Variants in SNX29 observed in about 807,000 individuals in gnomAD.
SNX29 encodes the protein sorting nexin-29.
Under a neutral mutation model 102.1 loss-of-function variants are expected in SNX29, and 78 were observed. The ratio of observed to expected loss-of-function variants is 0.76; its 90% CI spans 0.64 to 0.92. The LOEUF (loss-of-function observed/expected upper bound fraction) is 0.92, where lower values mean the gene tolerates loss of function less well. SNX29 is among the 40% of genes least tolerant of loss of function. The probability of loss-of-function intolerance (pLI) is 0.00; values close to 1 mark genes in which losing one functional copy is unlikely to be tolerated. For missense variants in SNX29, 1,280 were observed against 1,061.7 expected (o/e 1.21, Z -2.86); for synonymous variants, 580 against 414.5 (o/e 1.40, Z -4.85).
Position 12,573,542 on chromosome 16 carries a change from G to C in SNX29, c.*4913G>C. 1 of 224,452 alleles carries C rather than the reference G, an allele frequency of 4.5e-6. No individual in the cohort carries two copies. Among genetic ancestry groups the C allele is most frequent in the Admixed American group, 5.7e-5 (1 of 17,498 alleles). 13.9% of individuals were successfully genotyped at this position (224,452 alleles called of 1,614,324 possible). A position where few individuals can be genotyped will look rare whatever the true frequency, so the allele number is the denominator to read the frequency against. On this transcript the variant is annotated 3_prime_UTR_variant, in exon 21 of 21. Transcript: ENST00000566228. Reference sequence around the variant, plus strand: ...ATTTAGTTCTTACTGGTGCGTAAGTGTTTTCCCATCCTAACCGGAAAACCA... The same window carrying C: ...ATTTAGTTCTTACTGGTGCGTAAGTCTTTTCCCATCCTAACCGGAAAACCA...
intron 13 of SNX29, among the ~76,000 whole-genome samples, chr16:12,170,975 C>T (rs1323549364): frequency 2.6e-5 from 4 of 151,928 alleles, no homozygotes; most frequent in African/African-American, 7.3e-5. Flanking sequence ...TCCCGGCCAG[C>T]GTGTTTAGGG....
intron 20 of SNX29, among the ~76,000 whole-genome samples, chr16:12,543,123 A>G (rs1235143381): frequency 6.6e-6 from 1 of 152,144 alleles, no homozygotes; most frequent in Non-Finnish European, 1.5e-5. Context: ...TGCGTATCTT[A>G]TAGATGGTTT....
chr16:12,272,517 C>T (rs184073824), intron 14 of SNX29, among the ~76,000 whole-genome samples: 7 of 152,306 alleles, frequency 4.6e-5, no homozygotes, highest in East Asian at 1.9e-4. Flanking sequence ...GTTGCCCTGC[C>T]GACGGGCTCC....
chr16:12,129,025 A>T (rs2054340523), intron 12 of SNX29, among the ~76,000 whole-genome samples: 1 of 152,216 alleles, frequency 6.6e-6, no homozygotes, highest in African/African-American at 2.4e-5. Flanking sequence ...AAACTTGGGA[A>T]TGTAAAATGC....
chr16:12,570,165 C>T lies in SNX29; in HGVS notation c.*1536C>T, dbSNP rs1436746257. 1.9e-6 allele frequency: 2 copies of T among 1,065,318 alleles called. No individual in the cohort carries two copies. Among genetic ancestry groups the T allele is most frequent in the African/African-American group, 1.6e-5 (1 of 61,074 alleles). The allele number at this position is 1,065,318 out of a possible 1,614,324, so 66.0% of individuals were successfully genotyped here. ...AGATCACTCACACACAGCGCCCCCC[C>T]ACCCCAGAGAAACCGAGTCAGCCTA... is the stretch of plus-strand genomic sequence containing the variant. On this transcript the variant is annotated 3_prime_UTR_variant, in exon 21 of 21. Transcript: ENST00000566228.
intron 11 of SNX29, among the ~76,000 whole-genome samples, chr16:12,097,303 G>A (rs150237380): frequency 6.6e-6 from 1 of 152,358 alleles, no homozygotes; most frequent in South Asian, 2.1e-4. Flanking sequence ...GTGGCCGGTG[G>A]AGCTGGGTTG....
rs754034596 is a variant in SNX29, at chr16:12,457,486, C to T, written c.2038-20233C>T. Among the ~76,000 whole-genome samples the T allele has an allele frequency of 9.8e-5, 15 of 152,320 alleles. No individual in the cohort carries two copies. The South Asian group carries it at 2.3e-3, about 23-fold the overall frequency. ...CTCAAGAATGGCCCACACTATACCTCAATGCCTTGTCTAGAGCCTGAGCTC... is the reference window on the plus strand; with the variant it reads ...CTCAAGAATGGCCCACACTATACCTTAATGCCTTGTCTAGAGCCTGAGCTC... On this transcript the variant is annotated intron_variant, in intron 18 of 20. Transcript: ENST00000566228.
intron 18 of SNX29, among the ~76,000 whole-genome samples, chr16:12,422,548 T>G (rs1597326819): frequency 6.6e-6 from 1 of 152,250 alleles, no homozygotes; most frequent in Non-Finnish European, 1.5e-5. Context: ...TGAACTTTGC[T>G]TCCCTCCTCG....
At chr16:12,164,914 C>T (rs1366395202) in intron 13 of SNX29, among the ~76,000 whole-genome samples, 1 of 152,064 alleles carries the variant, frequency 6.6e-6, no homozygotes, top group Non-Finnish European at 1.5e-5. Context: ...TCTTGAACTC[C>T]TGACCTCAGG....
At chr16:12,262,204 G>A (rs1017126968) in intron 14 of SNX29, among the ~76,000 whole-genome samples, 2 of 152,194 alleles carry the variant, frequency 1.3e-5, no homozygotes, top group African/African-American at 4.8e-5. Context: ...GCTGTTTGTC[G>A]TTCATCCTCT....
In SNX29 at chr16:12,479,359, C is replaced by A. The variant is rs1356568369; in HGVS notation, c.2178+1500C>A. 2.6e-5 allele frequency among the ~76,000 whole-genome samples: 4 copies of A among 152,238 alleles called. No individual in the cohort carries two copies. The East Asian group carries it at 7.7e-4, about 29-fold the overall frequency. On this transcript the variant is annotated intron_variant, in intron 19 of 20. Coordinates refer to ENST00000566228, the MANE Select transcript of SNX29 (RefSeq NM_032167.5). ...AGAGCAAGAGTTTCCATAACCCACT[C>A]CTGGCACTTGGGAATTTCATAGGGA...
intron 20 of SNX29, among the ~76,000 whole-genome samples, chr16:12,565,278 T>A (rs2078950793): frequency 6.6e-6 from 1 of 152,184 alleles, no homozygotes; most frequent in African/African-American, 2.4e-5. Flanking sequence ...CAGCCTCACA[T>A]ACGCCAGCAG....
chr16:12,006,171 T>A (rs2056445398), intron 3 of SNX29, among the ~76,000 whole-genome samples: 3 of 151,236 alleles, frequency 2.0e-5, no homozygotes, highest in Admixed American at 6.6e-5. Flanking sequence ...GCCATTGCAT[T>A]CTAGCTTGGG....
intron 13 of SNX29, among the ~76,000 whole-genome samples, chr16:12,157,980 GT>G (rs2055624616): frequency 6.6e-6 from 1 of 152,112 alleles, no homozygotes; most frequent in Non-Finnish European, 1.5e-5. Flanking sequence ...TCCCAGACTT[GT>G]ATTATAATTC....
At chr16:12,185,112 C>T (rs1275731022) in intron 13 of SNX29, among the ~76,000 whole-genome samples, 2 of 152,210 alleles carry the variant, frequency 1.3e-5, no homozygotes, top group Admixed American at 1.3e-4. Flanking sequence ...TTCTGAGATT[C>T]CCAGTCCACA....
At position 12,573,539 on chromosome 16, in the gene SNX29, AGT is replaced by A. The variant is rs1277406398; in HGVS notation, c.*4913_*4914del. On this transcript the variant is annotated 3_prime_UTR_variant, in exon 21 of 21. Transcript: ENST00000566228. ...GGGATTTAGTTCTTACTGGTGCGTAAGTGTTTTCCCATCCTAACCGGAAAACC... is the reference window on the plus strand; with the variant it reads ...GGGATTTAGTTCTTACTGGTGCGTAAGTTTTCCCATCCTAACCGGAAAACC... 8.0e-5 allele frequency: 18 copies of A among 224,408 alleles called. No homozygotes were observed. The highest frequency in any genetic ancestry group is 1.2e-4 in the Non-Finnish European group (13 of 112,540). The allele number at this position is 224,408 out of a possible 1,614,324, so 13.9% of individuals were successfully genotyped here.
At chr16:12,451,454 A>G (rs116560755) in intron 18 of SNX29, among the ~76,000 whole-genome samples, 19 of 152,340 alleles carry the variant, frequency 1.2e-4, no homozygotes, top group African/African-American at 4.3e-4. Context: ...TGGCTGCCCA[A>G]TGTGTGGGAT....
At chr16:12,338,643 AC>A (rs2151246036) in intron 15 of SNX29, among the ~76,000 whole-genome samples, 1 of 152,332 alleles carries the variant, frequency 6.6e-6, no homozygotes, top group African/African-American at 2.4e-5. Context: ...CCCAGAACAC[AC>A]AGCCCATACT....
chr16:12,097,157 C>T (rs746937394), intron 11 of SNX29, among the ~76,000 whole-genome samples: 8 of 152,188 alleles, frequency 5.3e-5, no homozygotes, highest in Non-Finnish European at 8.8e-5. Flanking sequence ...ATGGTGCTGC[C>T]GAGTACTGAG....
Sources: gnomAD v4.1 joint callset for allele counts (sites outside exome capture counted in the v4.1 genomes callset) on GRCh38, gnomAD v4.1.1 for gene constraint, MANE v1.5 for transcripts, NCBI Gene and HGNC (gene_info 2026-07-23, HGNC 2026-07-21) for gene names.